IL15RA: variants seen among roughly 807,000 people sequenced by gnomAD.
The protein encoded by IL15RA is interleukin 15 receptor subunit alpha.
Under a neutral mutation model 24.2 loss-of-function variants are expected in IL15RA, and 26 were observed. The ratio of observed to expected loss-of-function variants is 1.07; its 90% CI spans 0.79 to 1.49. The LOEUF (loss-of-function observed/expected upper bound fraction) is 1.49. Ranked by LOEUF, IL15RA falls within the 40% of genes most tolerant of loss-of-function variation. The probability of loss-of-function intolerance (pLI) is 0.00; values close to 1 mark genes in which losing one functional copy is unlikely to be tolerated. For synonymous variants in IL15RA, 166 were observed against 157.6 expected, an observed-to-expected ratio of 1.05 and a Z score of -0.40; for missense variants, 354 against 356.4, an observed-to-expected ratio of 0.99 and a Z score of 0.05.
chr10:5,971,759 T>C lies in IL15RA; in HGVS notation c.89-5420A>G, dbSNP rs971122215. ...TGAAATGTCAGCCAAGTCAACACAC[T>C]TCCTTTTGGAGTTCCCAAAAAGTAC... On this transcript the variant is annotated intron_variant, in intron 1 of 6. Transcript: ENST00000379977. The surrounding 1 kb of genome is among the most constrained non-coding windows in gnomAD (Gnocchi z 5.5). Among the ~76,000 whole-genome samples the C allele has an allele frequency of 6.6e-6, 1 of 152,210 alleles. No homozygotes were observed. Among genetic ancestry groups the C allele is most frequent in the Non-Finnish European group, 1.5e-5 (1 of 68,030 alleles).
chr10:5,972,175 C>G lies in IL15RA; in HGVS notation c.88+5230G>C, dbSNP rs1353416639. Among the ~76,000 whole-genome samples the G allele has an allele frequency of 3.9e-5, 6 of 152,132 alleles. No homozygotes were observed. In the East Asian group the frequency reaches 9.6e-4, roughly 24 times the overall value. On this transcript the variant is annotated intron_variant, in intron 1 of 6. Transcript: ENST00000379977. ...GAACAAGAGCAACCTTTCCACCATG[C>G]AGCTCCAGTAATGCTCCCCTGCACA...
rs1455727738 is a variant in IL15RA at position 5,960,442 on chromosome 10, A to C, written c.508T>G (p.Ser170Ala). 1 of 1,612,862 alleles carries C rather than the reference A, an allele frequency of 6.2e-7. No individual in the cohort carries two copies. The highest frequency in any genetic ancestry group is 1.3e-5 in the African/African-American group (1 of 74,514). Residue 170 changes from serine (S) to alanine (A), a missense_variant, in exon 4 of 7, where the codon TCC (serine) becomes GCC (alanine). By Grantham distance (99) the Ser-to-Ala change is moderately conservative (BLOSUM62 1). Coordinates refer to ENST00000379977, the MANE Select transcript of IL15RA (RefSeq NM_002189.4). The surrounding 1 kb of genome is among the most constrained non-coding windows in gnomAD (Gnocchi z 5.1). Reference protein sequence around the residue: ...TGTTEISSHESSHGTPSQTTA... With the variant: ...TGTTEISSHEASHGTPSQTTA... The stretch of plus-strand genomic sequence containing the variant: ...GTCTGAGAGGGGGTGCCGTGGGAGG[A>C]CTCATGACTGCTTATCTCTGTGGTT...
downstream of IL15RA, among the ~76,000 whole-genome samples, chr10:5,950,473 A>C (rs1007825682): frequency 6.6e-6 from 1 of 152,194 alleles, no homozygotes; most frequent in African/African-American, 2.4e-5. This position sits in a 1 kb window ranked among gnomAD's most constrained non-coding sequence, Gnocchi z 5.6. Context: ...CATTCTGCCC[A>C]TTCATTCACC....
chr10:5,950,031 G>A (rs1337242978), downstream of IL15RA, among the ~76,000 whole-genome samples: 2 of 152,086 alleles, frequency 1.3e-5, no homozygotes, highest in Non-Finnish European at 2.9e-5. The surrounding 1 kb of genome is among the most constrained non-coding windows in gnomAD (Gnocchi z 5.6). Flanking sequence ...AGGAGGTGGA[G>A]GTTGCAGTGA....
intron 6 of IL15RA, among the ~76,000 whole-genome samples, chr10:5,954,186 T>TTTTTTTTTTTTTTTTTTTTTTTTTTTC (rs1554816722): frequency 7.2e-6 from 1 of 138,150 alleles, no homozygotes. Context: ...TTTTTTTTTT[T>TTTTTTTTTTTTTTTTTTTTTTTTTTTC]TCTGAGACAG....
downstream of IL15RA, among the ~76,000 whole-genome samples, chr10:5,951,172 A>T (rs992013046): frequency 4.5e-5 from 6 of 133,802 alleles, no homozygotes; most frequent in South Asian, 2.4e-4. Flanking sequence ...AAAAAAAAAA[A>T]ATATTAGCCA....
chr10:5,949,341 A>C (rs1448722841), downstream of IL15RA: 1 of 470,996 alleles, frequency 2.1e-6, no homozygotes, highest in Admixed American at 2.3e-5. The surrounding 1 kb of genome is among the most constrained non-coding windows in gnomAD (Gnocchi z 4.4). Flanking sequence ...ATTTACAGTC[A>C]CTTAGGGAAG....
In IL15RA at chr10:5,959,914, A is replaced by G. The variant is rs1835214575; in HGVS notation, c.584-128T>C. ...TGGGAGACTCGTGGCTGGCGTAACC[A>G]GACTCATTTTAGCAAAGAACAAGCA... On this transcript the variant is annotated intron_variant, in intron 4 of 6. Transcript: ENST00000379977. This position sits in a 1 kb window ranked among gnomAD's most constrained non-coding sequence, Gnocchi z 4.1. 1.2e-6 allele frequency: 1 copy of G among 814,002 alleles called. No individual in the cohort carries two copies. Among genetic ancestry groups the G allele is most frequent in the Admixed American group, 2.1e-5 (1 of 47,838 alleles). 50.4% of individuals were successfully genotyped at this position (814,002 alleles called of 1,614,324 possible).
chr10:5,949,266 G>A (rs1221542321), downstream of IL15RA: 3 of 471,216 alleles, frequency 6.4e-6, no homozygotes, highest in South Asian at 1.5e-5. The surrounding 1 kb of genome is among the most constrained non-coding windows in gnomAD (Gnocchi z 4.4). Flanking sequence ...AGGGACGGAC[G>A]GTTTCAGGAG....
rs781024557 is a variant in IL15RA at position 5,960,421 on chromosome 10, G to C, written c.529C>G (p.Gln177Glu). 1.2e-6 allele frequency: 2 copies of C among 1,614,150 alleles called. No homozygotes were observed. Among genetic ancestry groups the C allele is most frequent in the South Asian group, 2.2e-5 (2 of 91,060 alleles). Residue 177 changes from glutamine (Q) to glutamate (E), a missense_variant, in exon 4 of 7, where the codon CAG becomes GAG. Gln to Glu is a conservative substitution (Grantham distance 29). Coordinates refer to ENST00000379977, the MANE Select transcript of IL15RA (RefSeq NM_002189.4). This position sits in a 1 kb window ranked among gnomAD's most constrained non-coding sequence, Gnocchi z 5.1. ...SHESSHGTPSQTTAKNWELTA... is the reference protein window; with the variant it reads ...SHESSHGTPSETTAKNWELTA... Reference sequence around the variant, plus strand: ...AGTTCCCAGTTCTTGGCTGTTGTCTGAGAGGGGGTGCCGTGGGAGGACTCA... The same window carrying C: ...AGTTCCCAGTTCTTGGCTGTTGTCTCAGAGGGGGTGCCGTGGGAGGACTCA...
intron 5 of IL15RA, among the ~76,000 whole-genome samples, chr10:5,957,003 A>T (rs1035849714): frequency 2.2e-5 from 3 of 135,046 alleles, no homozygotes; most frequent in African/African-American, 8.7e-5. Context: ...TCTGTCACCT[A>T]GACTGGAGTG....
rs759006467 is a variant in IL15RA at position 5,959,812 on chromosome 10, C to T, written c.584-26G>A. 6.8e-6 allele frequency: 11 copies of T among 1,612,836 alleles called. No homozygotes were observed. The highest frequency in any genetic ancestry group is 2.2e-5 in the South Asian group (2 of 90,924). Reference sequence around the variant, plus strand: ...CTGCGGAAAAGAGAGGACAGCATCACGGCTCGAGTCCTAGAGGTCCTAGTT... The same window carrying T: ...CTGCGGAAAAGAGAGGACAGCATCATGGCTCGAGTCCTAGAGGTCCTAGTT... On this transcript the variant is annotated intron_variant, in intron 4 of 6. Transcript: ENST00000379977. The surrounding 1 kb of genome is among the most constrained non-coding windows in gnomAD (Gnocchi z 4.1).
In IL15RA at chr10:5,970,501, G is replaced by T. The variant is rs1045844918; in HGVS notation, c.89-4162C>A. On this transcript the variant is annotated intron_variant, in intron 1 of 6. Coordinates refer to ENST00000379977, the MANE Select transcript of IL15RA (RefSeq NM_002189.4). The surrounding 1 kb of genome is among the most constrained non-coding windows in gnomAD (Gnocchi z 4.1). ...TCTACTCTGTCATTTTGCTGAGAAA[G>T]GAAGTCTATCAGTGGTTCTTCCATT... Among the ~76,000 whole-genome samples, 2 of 152,118 alleles carry T rather than the reference G, an allele frequency of 1.3e-5. No homozygotes were observed. The highest frequency in any genetic ancestry group is 2.9e-5 in the Non-Finnish European group (2 of 68,026).
downstream of IL15RA, chr10:5,949,049 C>A (rs11256084): frequency 5.7e-6 from 2 of 348,266 alleles, no homozygotes; most frequent in South Asian, 4.5e-5. This position sits in a 1 kb window ranked among gnomAD's most constrained non-coding sequence, Gnocchi z 4.4. Context: ...CTGAATCCTT[C>A]GATGGAGAGG....
At chr10:5,969,349 AT>A (rs201330757) in intron 1 of IL15RA, among the ~76,000 whole-genome samples, 18 of 110,010 alleles carry the variant, frequency 1.6e-4, no homozygotes, top group Admixed American at 8.2e-4. Flanking sequence ...TTTAAATTAA[AT>A]TTTTTAAATT....
At chr10:5,954,168 C>CTTT (rs750550552) in intron 6 of IL15RA, among the ~76,000 whole-genome samples, 53 of 105,164 alleles carry the variant, frequency 5.0e-4, no homozygotes, top group African/African-American at 8.6e-4. Flanking sequence ...ACCAATTCTT[C>CTTT]TTTTTTTTTT....
chr10:5,957,451 T>C (rs1192326810), intron 5 of IL15RA, among the ~76,000 whole-genome samples: 4 of 151,736 alleles, frequency 2.6e-5, no homozygotes, highest in Non-Finnish European at 5.9e-5. Context: ...AATTTTTGTA[T>C]TTTTAGTAGA....
At position 5,968,356 on chromosome 10, in the gene IL15RA, G is replaced by A. The variant is rs375935325; in HGVS notation, c.89-2017C>T. Among the ~76,000 whole-genome samples the A allele has an allele frequency of 6.6e-6, 1 of 151,918 alleles. No individual in the cohort carries two copies. Among genetic ancestry groups the A allele is most frequent in the East Asian group, 1.9e-4 (1 of 5,146 alleles). ...CAGGCAGGCTGGGGGCAGGGTGGGA[G>A]GGGAGAAATCTCAAATTCAAGATTG... On this transcript the variant is annotated intron_variant, in intron 1 of 6. Coordinates refer to ENST00000379977, the MANE Select transcript of IL15RA (RefSeq NM_002189.4). This position sits in a 1 kb window ranked among gnomAD's most constrained non-coding sequence, Gnocchi z 5.4.
intron 6 of IL15RA, 85 bp downstream of exon 6, chr10:5,956,294 C>G: frequency 9.5e-7 from 1 of 1,053,136 alleles, no homozygotes; most frequent in South Asian, 1.3e-5. Flanking sequence ...GAATTCCAGG[C>G]GTGAGCTACC....
Sources: allele counts gnomAD v4.1 joint callset (sites outside exome capture counted in the v4.1 genomes callset), GRCh38; gene constraint gnomAD v4.1.1; non-coding constraint Gnocchi (gnomAD v3.1); transcripts MANE v1.5; gene names NCBI Gene and HGNC (gene_info 2026-07-23, HGNC 2026-07-21).